Variants in FOXN4 observed in about 807,000 individuals in gnomAD.
The protein encoded by FOXN4 is forkhead box N4.
In FOXN4, 12 loss-of-function variants were observed where a neutral mutation model predicts 45.0. The ratio of observed to expected loss-of-function variants is 0.27; its 90% confidence interval spans 0.17 to 0.43. The LOEUF (loss-of-function observed/expected upper bound fraction) is 0.43, where lower values mean the gene tolerates loss of function less well. Ranked by LOEUF, FOXN4 falls within the 20% of genes least tolerant of loss-of-function variation. The pLI, the probability that FOXN4 is intolerant of heterozygous loss-of-function variation, is 1.00. For synonymous variants in FOXN4, 297 were observed against 295.0 expected, an observed-to-expected ratio of 1.01 and a Z score of -0.07; for missense variants, 560 against 694.9, an observed-to-expected ratio of 0.81 and a Z score of 2.18.
intron 2 of FOXN4, among the ~76,000 whole-genome samples, chr12:109,294,880 T>G (rs1161851867): frequency 6.6e-6 from 1 of 152,052 alleles, no homozygotes; most frequent in Non-Finnish European, 1.5e-5. Flanking sequence ...TGAAGTTCCC[T>G]CATTAAAGGT....
At chr12:109,284,860 C>T (rs904297224) in intron 8 of FOXN4, among the ~76,000 whole-genome samples, 2 of 148,226 alleles carry the variant, frequency 1.3e-5, no homozygotes, top group African/African-American at 5.1e-5. Flanking sequence ...CCAGGTCCTT[C>T]CTCTTCTGCG....
chr12:109,299,277 A>G (rs1345438063), intron 2 of FOXN4, among the ~76,000 whole-genome samples: 1 of 152,174 alleles, frequency 6.6e-6, no homozygotes, highest in Non-Finnish European at 1.5e-5. Flanking sequence ...TTGCAGGTGC[A>G]TATTTTTCCT....
rs529348293 is a variant in FOXN4, at chr12:109,288,900, C to CTGTT, written c.233-724_233-721dup. ...GTTCTGGCTGCCACTGTCCCTAGAT[C>CTGTT]TGTTTGTCTTGTCCTTCTCTCTCTG... On this transcript the variant is annotated intron_variant, in intron 3 of 9. Transcript: ENST00000299162. This position sits in a 1 kb window ranked among gnomAD's most constrained non-coding sequence, Gnocchi z 4.3. 4.3e-4 allele frequency among the ~76,000 whole-genome samples: 65 copies of CTGTT among 152,358 alleles called. No homozygotes were observed. The highest frequency in any genetic ancestry group is 1.4e-3 in the African/African-American group (59 of 41,588).
chr12:109,293,307 C>G (rs947726993), intron 2 of FOXN4, among the ~76,000 whole-genome samples: 1 of 152,192 alleles, frequency 6.6e-6, no homozygotes. Context: ...GAGAGCAGCA[C>G]CTCCGCTGGG....
intron 8 of FOXN4, among the ~76,000 whole-genome samples, chr12:109,282,247 G>A (rs1047282670): frequency 6.6e-6 from 1 of 152,144 alleles, no homozygotes; most frequent in African/African-American, 2.4e-5. Context: ...AAGAGTTCAA[G>A]ATTAGCCTGA....
intron 1 of FOXN4, 94 bp from the exon 2 acceptor site, chr12:109,308,418 G>A (rs1366316924): frequency 1.1e-5 from 9 of 802,148 alleles, no homozygotes; most frequent in Non-Finnish European, 1.5e-5. Flanking sequence ...GAAAGATGGA[G>A]CACAATCAAC....
At chr12:109,286,827 T>A (rs2047717047) in intron 6 of FOXN4, 83 bp from the exon 7 acceptor site, 1 of 1,489,728 alleles carries the variant, frequency 6.7e-7, no homozygotes, top group Non-Finnish European at 8.9e-7. Context: ...GACAGCCCAA[T>A]GCCGCCTCTG....
Position 109,278,128 on chromosome 12 carries a change from G to A in FOXN4, c.*1543C>T, listed in dbSNP as rs767704096. The A allele has an allele frequency of 1.3e-4, 20 of 152,264 alleles. No individual in the cohort carries two copies. The highest frequency in any genetic ancestry group is 9.8e-4 in the Admixed American group (15 of 15,286). 9.4% of individuals were successfully genotyped at this position (152,264 alleles called of 1,614,324 possible). A position where few individuals can be genotyped will look rare whatever the true frequency, so the allele number is the denominator to read the frequency against. On this transcript the variant is annotated 3_prime_UTR_variant, in exon 10 of 10. Transcript: ENST00000299162. ...AGCAGATGAGCAGTGCAGGTCAGAC[G>A]GGTAGCACTGGGATTGTGTCTAAGG...
In FOXN4 at chr12:109,288,230, G is replaced by T; in HGVS notation, c.233-50C>A. 6.5e-7 allele frequency: 1 copy of T among 1,531,014 alleles called. No individual in the cohort carries two copies. 94.8% of individuals were successfully genotyped at this position (1,531,014 alleles called of 1,614,324 possible). On this transcript the variant is annotated intron_variant, in intron 3 of 9. Transcript: ENST00000299162. The surrounding 1 kb of genome is among the most constrained non-coding windows in gnomAD (Gnocchi z 4.3). ...CTGCTGGGCTGGAGGAATGGTGGCT[G>T]CCACCAGGAACAGCCCAGTGCCCAG...
rs940032321 is a variant in FOXN4, at chr12:109,290,423, C to T, written c.87-137G>A. 2.0e-5 allele frequency: 21 copies of T among 1,074,148 alleles called. No homozygotes were observed. The highest frequency in any genetic ancestry group is 2.5e-5 in the Non-Finnish European group (19 of 767,204). The allele number at this position is 1,074,148 out of a possible 1,614,324, so 66.5% of individuals were successfully genotyped here. A position where few individuals can be genotyped will look rare whatever the true frequency, so the allele number is the denominator to read the frequency against. Reference sequence around the variant, plus strand: ...CGCCAGCCCTCCAACCTGCCCGTCCCCAGGACTGGACACGGGAACCTGGTC... The same window carrying T: ...CGCCAGCCCTCCAACCTGCCCGTCCTCAGGACTGGACACGGGAACCTGGTC... On this transcript the variant is annotated intron_variant, in intron 2 of 9. Transcript: ENST00000299162. The surrounding 1 kb of genome is among the most constrained non-coding windows in gnomAD (Gnocchi z 5.1).
intron 7 of FOXN4, among the ~76,000 whole-genome samples, chr12:109,285,886 G>C (rs536780752): frequency 3.0e-4 from 37 of 121,636 alleles, no homozygotes; most frequent in Non-Finnish European, 5.7e-4. Context: ...TTTTTTTTGT[G>C]ACAGGGTCTT....
intron 2 of FOXN4, among the ~76,000 whole-genome samples, chr12:109,306,492 T>G (rs2047923137): frequency 6.6e-6 from 1 of 152,218 alleles, no homozygotes; most frequent in Non-Finnish European, 1.5e-5. Flanking sequence ...GGAGGAAGGA[T>G]GCGCTCGCCC....
intron 2 of FOXN4, among the ~76,000 whole-genome samples, chr12:109,294,776 C>T (rs2047801547): frequency 6.6e-6 from 1 of 151,594 alleles, no homozygotes; most frequent in Non-Finnish European, 1.5e-5. Context: ...ACCCCCTGCC[C>T]ACACTGACCT....
rs1186952333 is a variant in FOXN4, at chr12:109,288,957, C to G, written c.233-777G>C. On this transcript the variant is annotated intron_variant, in intron 3 of 9. Transcript: ENST00000299162. This position sits in a 1 kb window ranked among gnomAD's most constrained non-coding sequence, Gnocchi z 4.3. ...TCATCAGCTTTCTAAGAACTGGGAC[C>G]ACAACTTATATCATTCATTGCTCCA... is the stretch of plus-strand genomic sequence containing the variant. Among the ~76,000 whole-genome samples the G allele has an allele frequency of 1.3e-5, 2 of 152,180 alleles. No individual in the cohort carries two copies. Among genetic ancestry groups the G allele is most frequent in the Non-Finnish European group, 2.9e-5 (2 of 68,038 alleles).
Position 109,287,476 on chromosome 12 carries a change from AGGGGGGCCGCACCCCAAAT to A in FOXN4, c.498_516del (p.Phe167ThrfsTer29). The A allele has an allele frequency of 6.5e-7, 1 of 1,550,192 alleles. No individual in the cohort carries two copies. Reference sequence around the variant, plus strand: ...TGCACAGCCACGTGGGGCTGGGGGTAGGGGGGCCGCACCCCAAATGGGGGGCCATAGAGGCCCACAGGAG... The same window carrying A: ...TGCACAGCCACGTGGGGCTGGGGGTAGGGGGGCCATAGAGGCCCACAGGAG... On this transcript the variant is annotated frameshift_variant, in exon 6 of 10. Coordinates refer to ENST00000299162, the MANE Select transcript of FOXN4 (RefSeq NM_213596.3). LOFTEE classifies it high-confidence loss of function. This position sits in a 1 kb window ranked among gnomAD's most constrained non-coding sequence, Gnocchi z 4.1.
In FOXN4 at chr12:109,290,093, C is replaced by T. The variant is rs2047751745; in HGVS notation, c.232+48G>A. On this transcript the variant is annotated intron_variant, in intron 3 of 9. Transcript: ENST00000299162. The surrounding 1 kb of genome is among the most constrained non-coding windows in gnomAD (Gnocchi z 5.1). ...GTGGGTGGCAGGGCTGGGAATCACC[C>T]CTCTCCTATATCACCCTCCTCCCTG... 6.7e-7 allele frequency: 1 copy of T among 1,495,018 alleles called. No homozygotes were observed. Among genetic ancestry groups the T allele is most frequent in the African/African-American group, 1.4e-5 (1 of 72,100 alleles). 92.6% of individuals were successfully genotyped at this position (1,495,018 alleles called of 1,614,324 possible). A position where few individuals can be genotyped will look rare whatever the true frequency, so the allele number is the denominator to read the frequency against.
chr12:109,299,573 T>C (rs1191933912), intron 2 of FOXN4, among the ~76,000 whole-genome samples: 1 of 152,092 alleles, frequency 6.6e-6, no homozygotes, highest in Non-Finnish European at 1.5e-5. Flanking sequence ...GGCCTCGATT[T>C]CCTCATCTGG....
rs897705478 is a variant in FOXN4 at position 109,282,359 on chromosome 12, G to A, written c.902-560C>T. Among the ~76,000 whole-genome samples the A allele has an allele frequency of 3.3e-5, 5 of 152,172 alleles. No homozygotes were observed. In the South Asian group the frequency reaches 6.2e-4, roughly 19 times the overall value. Reference sequence around the variant, plus strand: ...GCTACTTGGGAGGCTGAGGTGGGGGGATCACTTGAGCCCAGGAGGTTGAGG... The same window carrying A: ...GCTACTTGGGAGGCTGAGGTGGGGGAATCACTTGAGCCCAGGAGGTTGAGG... On this transcript the variant is annotated intron_variant, in intron 8 of 9. Transcript: ENST00000299162.
rs997692733 is a variant in FOXN4 at position 109,279,434 on chromosome 12, C to T, written c.*237G>A. 12 of 605,296 alleles carry T rather than the reference C, an allele frequency of 2.0e-5. No individual in the cohort carries two copies. In the African/African-American group the frequency reaches 2.0e-4, roughly 10 times the overall value. 37.5% of individuals were successfully genotyped at this position (605,296 alleles called of 1,614,324 possible). A position where few individuals can be genotyped will look rare whatever the true frequency, so the allele number is the denominator to read the frequency against. ...GATGCTGGGTTGCTTGTCCACCTTC[C>T]TCCATTCTTCTGACTTGGAAGAGCC... On this transcript the variant is annotated 3_prime_UTR_variant, in exon 10 of 10. Coordinates refer to ENST00000299162, the MANE Select transcript of FOXN4 (RefSeq NM_213596.3).
Sources: gnomAD v4.1 joint callset for allele counts (sites outside exome capture counted in the v4.1 genomes callset) on GRCh38, gnomAD v4.1.1 for gene constraint, Gnocchi (gnomAD v3.1) non-coding constraint, MANE v1.5 for transcripts, NCBI Gene and HGNC (gene_info 2026-07-23, HGNC 2026-07-21) for gene names.